DOCK9: variants seen among roughly 807,000 people sequenced by gnomAD.
DOCK9 encodes the protein dedicator of cytokinesis protein 9.
Under a neutral mutation model 263.3 loss-of-function variants are expected in DOCK9, and 89 were observed. That is an observed-to-expected ratio of 0.34 (90% confidence interval 0.28 to 0.40). The LOEUF (loss-of-function observed/expected upper bound fraction) is 0.40, where lower values mean the gene tolerates loss of function less well. Among genes scored for constraint, DOCK9 ranks in the 10% least tolerant of loss-of-function variants. The pLI is 1.00. For synonymous variants in DOCK9, 976 were observed against 973.1 expected (o/e 1.00, Z -0.06); for missense variants, 2,140 against 2,603.4 (o/e 0.82, Z 3.87).
chr13:98,889,460 C>T (rs1445774582), intron 15 of DOCK9, among the ~76,000 whole-genome samples: 1 of 152,212 alleles, frequency 6.6e-6, no homozygotes, highest in Non-Finnish European at 1.5e-5. Context: ...CTCCAGTGTC[C>T]AGCACAATGC....
upstream of DOCK9, among the ~76,000 whole-genome samples, chr13:99,087,508 G>GTA (rs2042374456): frequency 6.6e-6 from 1 of 152,220 alleles, no homozygotes; most frequent in African/African-American, 2.4e-5. Context: ...CGGCTTGCGA[G>GTA]CCCACCGTGA....
chr13:98,818,032 T>C (rs1005701190), intron 45 of DOCK9, among the ~76,000 whole-genome samples: 1 of 152,178 alleles, frequency 6.6e-6, no homozygotes, highest in Non-Finnish European at 1.5e-5. Context: ...CTTATTATTA[T>C]AAATAAATGG....
intron 43 of DOCK9, among the ~76,000 whole-genome samples, chr13:98,827,561 C>T (rs2092593060): frequency 6.6e-6 from 1 of 152,226 alleles, no homozygotes; most frequent in Non-Finnish European, 1.5e-5. Context: ...TCGTCTAGAC[C>T]CTCACCCCTA....
At chr13:98,846,568 T>C (rs1566696288) in intron 37 of DOCK9, 1 of 1,351,878 alleles carries the variant, frequency 7.4e-7, no homozygotes, top group Admixed American at 1.9e-5. Flanking sequence ...TTGTCAGCAG[T>C]CAAGTAGAGA....
chr13:99,087,816 C>T (rs541711030), upstream of DOCK9: 2 of 152,462 alleles, frequency 1.3e-5, no homozygotes, highest in South Asian at 4.2e-4. Context: ...CGCCCGTTGC[C>T]TTCCGATGGA....
At chr13:98,817,563 G>A (rs1193420829) in intron 45 of DOCK9, among the ~76,000 whole-genome samples, 2 of 148,550 alleles carry the variant, frequency 1.3e-5, no homozygotes, top group Admixed American at 1.4e-4. Context: ...AAAGTGCTGG[G>A]ATTACAGGTG....
At chr13:98,877,807 C>A (rs1405724879) in intron 27 of DOCK9, among the ~76,000 whole-genome samples, 1 of 152,170 alleles carries the variant, frequency 6.6e-6, no homozygotes, top group African/African-American at 2.4e-5. Context: ...GCACCTCAAA[C>A]ATAGTAGGGG....
chr13:98,999,892 C>G (rs534733167), intron 1 of DOCK9, among the ~76,000 whole-genome samples: 2 of 152,204 alleles, frequency 1.3e-5, no homozygotes, highest in African/African-American at 4.8e-5. Flanking sequence ...AAAGTGAAAA[C>G]GGAAATTCAG....
intron 1 of DOCK9, among the ~76,000 whole-genome samples, chr13:99,083,884 TA>T (rs2042227108): frequency 6.6e-6 from 1 of 152,220 alleles, no homozygotes; most frequent in Admixed American, 6.5e-5. Flanking sequence ...ACACATAGTT[TA>T]ATTTTTTTTA....
At chr13:98,982,591 G>A (rs1253379357), upstream of DOCK9, among the ~76,000 whole-genome samples, 2 of 152,176 alleles carry the variant, frequency 1.3e-5, no homozygotes, top group African/African-American at 4.8e-5. Flanking sequence ...ACCTTTGAGT[G>A]GCCTTAGGGA....
In DOCK9 at chr13:98,831,587, T is replaced by C. The variant is rs2092765706; in HGVS notation, c.4453-57A>G. Reference sequence around the variant, plus strand: ...CCACAGACAGGTCAGTGCTCGGTAATGTACCCTTCAATTCCGGGGGAAGAA... The same window carrying C: ...CCACAGACAGGTCAGTGCTCGGTAACGTACCCTTCAATTCCGGGGGAAGAA... On this transcript the variant is annotated intron_variant, in intron 40 of 52. Transcript: ENST00000682017. The C allele has an allele frequency of 2.1e-5, 33 of 1,597,744 alleles. No individual in the cohort carries two copies. The South Asian group carries it at 3.5e-4, about 17-fold the overall frequency.
chr13:98,926,022 A>G lies in DOCK9; in HGVS notation c.334-103T>C, dbSNP rs1199767705. On this transcript the variant is annotated intron_variant, in intron 3 of 52. Transcript: ENST00000682017. Reference sequence around the variant, plus strand: ...TGAAGGCATACCCATAGAAACATCAAAAAAATTTTTTCCCATCAACGAGCT... The same window carrying G: ...TGAAGGCATACCCATAGAAACATCAGAAAAATTTTTTCCCATCAACGAGCT... 4 of 878,354 alleles carry G rather than the reference A, an allele frequency of 4.6e-6. No homozygotes were observed. In the Admixed American group the frequency reaches 1.3e-4, roughly 27 times the overall value. 54.4% of individuals were successfully genotyped at this position (878,354 alleles called of 1,614,324 possible). A position where few individuals can be genotyped will look rare whatever the true frequency, so the allele number is the denominator to read the frequency against.
chr13:99,071,306 C>CCTTTTTTTTTTTTTTTTT (rs1286343497), intron 1 of DOCK9, among the ~76,000 whole-genome samples: 6 of 49,318 alleles, frequency 1.2e-4, no homozygotes, highest in East Asian at 1.3e-3. Context: ...CCATGCCTGG[C>CCTTTTTTTTTTTTTTTTT]TTTTTTTTTT....
intron 2 of DOCK9, among the ~76,000 whole-genome samples, chr13:98,952,677 T>C (rs1166717504): frequency 6.6e-6 from 1 of 152,254 alleles, no homozygotes; most frequent in Non-Finnish European, 1.5e-5. Context: ...TTAGAGAACA[T>C]GTAGATGCCT....
intron 2 of DOCK9, among the ~76,000 whole-genome samples, chr13:98,946,178 G>A (rs1479056163): frequency 1.3e-5 from 2 of 152,120 alleles, no homozygotes; most frequent in African/African-American, 2.4e-5. Flanking sequence ...CTTTGCTGGG[G>A]GATTCTGAAC....
chr13:98,875,937 A>G (rs2043764918), intron 27 of DOCK9, among the ~76,000 whole-genome samples: 2 of 152,228 alleles, frequency 1.3e-5, no homozygotes, highest in Admixed American at 6.5e-5. Flanking sequence ...TTCCACCTTC[A>G]GCAGGAGTGC....
At chr13:98,826,346 T>C (rs1238939872) in intron 44 of DOCK9, among the ~76,000 whole-genome samples, 2 of 151,888 alleles carry the variant, frequency 1.3e-5, no homozygotes, top group African/African-American at 4.8e-5. Context: ...AAACGGAGAG[T>C]GCACAAATGA....
Position 98,826,872 on chromosome 13 carries a change from CAT to C in DOCK9, c.4979_4980del (p.Tyr1660CysfsTer18). The C allele has an allele frequency of 6.2e-7, 1 of 1,610,714 alleles. No homozygotes were observed. The highest frequency in any genetic ancestry group is 8.5e-7 in the Non-Finnish European group (1 of 1,178,398). The stretch of plus-strand genomic sequence containing the variant: ...TCTGCCACTAGGGCTGTTACGTGGA[CAT>C]AGCACATTGCTGCCTATAATAGAAG... Reference protein sequence around the residue: ...NGDLSEAAMCYVHVTALVAEY... With the variant: ...NGDLSEAAMCXVHVTALVAEY... On this transcript the variant is annotated frameshift_variant, in exon 44 of 53. Coordinates refer to ENST00000682017, the MANE Select transcript of DOCK9 (RefSeq NM_001366683.2). LOFTEE classifies it high-confidence loss of function.
chr13:98,900,053 A>G (rs55941143), intron 13 of DOCK9, among the ~76,000 whole-genome samples: 5,602 of 152,312 alleles, frequency 0.037, 165 homozygotes, highest in South Asian at 0.13. Flanking sequence ...CTCTGCCAAA[A>G]CTGTGCTAAA....
Sources: gnomAD v4.1 joint callset for allele counts (sites outside exome capture counted in the v4.1 genomes callset) on GRCh38, gnomAD v4.1.1 for gene constraint, MANE v1.5 for transcripts, NCBI Gene and HGNC (gene_info 2026-07-23, HGNC 2026-07-21) for gene names.